NBAS: variants seen among roughly 807,000 people sequenced by gnomAD.
NBAS encodes the protein NAG/BC035112 fusion.
In NBAS, 219 loss-of-function variants were observed where a neutral mutation model predicts 302.5. That is an observed-to-expected ratio of 0.72 (90% CI 0.65 to 0.81). The LOEUF (loss-of-function observed/expected upper bound fraction) is 0.81, where lower values mean the gene tolerates loss of function less well. Ranked by LOEUF, NBAS falls within the 30% of genes least tolerant of loss-of-function variation. NBAS has a pLI of 0.00. For missense variants in NBAS, 2,932 were observed against 2,841.6 expected, an observed-to-expected ratio of 1.03 and a Z score of -0.72; for synonymous variants, 1,118 against 1,021.6, an observed-to-expected ratio of 1.09 and a Z score of -1.80.
At position 15,353,707 on chromosome 2, in the gene NBAS, T is replaced by C; in HGVS notation, c.3935A>G (p.Tyr1312Cys). The part of the protein sequence containing the change: ...MHCQELMATG[Y>C]PKSWDVCSQL... ...GCTACAAACATCCCAACTTTTAGGATAACCTGCAAAATTGGCAAGGAAAAA... is the reference window on the plus strand; with the variant it reads ...GCTACAAACATCCCAACTTTTAGGACAACCTGCAAAATTGGCAAGGAAAAA... The change falls in exon 34 of 52, where the codon TAT (tyrosine) becomes TGT (cysteine). Residue 1312 changes from tyrosine (Y) to cysteine (C), a missense_variant. By Grantham distance (194) the Tyr-to-Cys change is radical. Coordinates refer to ENST00000281513, the MANE Select transcript of NBAS (RefSeq NM_015909.4). The C allele has an allele frequency of 1.2e-6, 2 of 1,613,950 alleles. No individual in the cohort carries two copies. The highest frequency in any genetic ancestry group is 1.7e-6 in the Non-Finnish European group (2 of 1,179,918).
intron 9 of NBAS, among the ~76,000 whole-genome samples, chr2:15,517,436 G>T (rs1370270847): frequency 6.6e-6 from 1 of 152,102 alleles, no homozygotes; most frequent in Admixed American, 6.5e-5. Context: ...CCAAAATTAT[G>T]ACAGCTGCCT....
At chr2:15,334,394 T>C (rs1672485251) in intron 35 of NBAS, among the ~76,000 whole-genome samples, 1 of 152,088 alleles carries the variant, frequency 6.6e-6, no homozygotes, top group South Asian at 2.1e-4. Context: ...TTCACCGTGT[T>C]AGCCAGGATG....
the NBAS span, among the ~76,000 whole-genome samples, chr2:15,059,370 A>C: frequency 6.6e-5 from 10 of 151,040 alleles, no homozygotes; most frequent in Non-Finnish European, 1.3e-4. Flanking sequence ...CTTTTTTTTT[A>C]TTTTTTAGAT....
chr2:15,018,241 G>A, the NBAS span, among the ~76,000 whole-genome samples: 3 of 151,914 alleles, frequency 2.0e-5, no homozygotes, highest in African/African-American at 7.2e-5. Context: ...TGTAGGATGA[G>A]TATAGTTAAT....
chr2:15,159,144 G>C, the NBAS span, among the ~76,000 whole-genome samples: 1 of 152,156 alleles, frequency 6.6e-6, no homozygotes, highest in Non-Finnish European at 1.5e-5. Context: ...GGAGGAATCT[G>C]GGCATGCCGG....
chr2:14,813,900 G>A, the NBAS span, among the ~76,000 whole-genome samples: 1 of 152,148 alleles, frequency 6.6e-6, no homozygotes, highest in African/African-American at 2.4e-5. Flanking sequence ...AAAATTTGGG[G>A]GGGCCAGGCC....
the NBAS span, among the ~76,000 whole-genome samples, chr2:14,964,495 A>C: frequency 2.0e-5 from 3 of 152,106 alleles, no homozygotes; most frequent in Non-Finnish European, 4.4e-5. Context: ...AGGACATAAC[A>C]CTCCTAAAAG....
At chr2:15,243,086 A>T (rs1667934719) in intron 44 of NBAS, among the ~76,000 whole-genome samples, 1 of 152,158 alleles carries the variant, frequency 6.6e-6, no homozygotes, top group Non-Finnish European at 1.5e-5. Flanking sequence ...CTTCACTGCC[A>T]CCACTCAGTT....
At chr2:14,787,653 A>T in the NBAS span, among the ~76,000 whole-genome samples, 1 of 151,892 alleles carries the variant, frequency 6.6e-6, no homozygotes, top group Non-Finnish European at 1.5e-5. Flanking sequence ...ATTGGCCCCC[A>T]CTCTCTTCTG....
chr2:15,397,280 C>A (rs1167143605), intron 26 of NBAS, among the ~76,000 whole-genome samples: 4 of 152,228 alleles, frequency 2.6e-5, no homozygotes, highest in Non-Finnish European at 5.9e-5. Flanking sequence ...AGAAACACTG[C>A]TGCTGCCACT....
the NBAS span, among the ~76,000 whole-genome samples, chr2:15,023,129 G>A: frequency 6.6e-6 from 1 of 151,948 alleles, no homozygotes; most frequent in African/African-American, 2.4e-5. Context: ...CATATAGGAT[G>A]CATTTTGTCA....
rs752231399 is a variant in NBAS, at chr2:15,275,495, C to T, written c.5713G>A (p.Ala1905Thr). 2.8e-5 allele frequency: 45 copies of T among 1,613,956 alleles called. No individual in the cohort carries two copies. Among genetic ancestry groups the T allele is most frequent in the Non-Finnish European group, 3.7e-5 (44 of 1,180,008 alleles). ...VVDAVTFSPK[A>T]VTKLSVEARK... The stretch of plus-strand genomic sequence containing the variant: ...ATCTTTTTGTTTACCTTGGTCACAG[C>T]TTTTGGAGAAAATGTAACTGCATCT... Residue 1905 changes from alanine (A) to threonine (T), a missense_variant, in exon 44 of 52, where the codon GCT becomes ACT. Ala to Thr is a moderately conservative substitution (Grantham distance 58, BLOSUM62 0). Transcript: ENST00000281513.
chr2:14,892,648 C>T, the NBAS span, among the ~76,000 whole-genome samples: 7 of 151,428 alleles, frequency 4.6e-5, no homozygotes, highest in African/African-American at 1.5e-4. Context: ...TTTTCAGCAT[C>T]GATTGATTAA....
the NBAS span, among the ~76,000 whole-genome samples, chr2:14,810,128 G>A: frequency 3.9e-5 from 6 of 152,326 alleles, no homozygotes; most frequent in South Asian, 1.2e-3. Flanking sequence ...TGTGTTAGAT[G>A]AGACTTTGGA....
chr2:14,923,311 T>G, the NBAS span, among the ~76,000 whole-genome samples: 1 of 152,182 alleles, frequency 6.6e-6, no homozygotes, highest in East Asian at 1.9e-4. Context: ...TAGAGGCTCA[T>G]AGTCTCTGGG....
chr2:14,834,050 G>A, the NBAS span, among the ~76,000 whole-genome samples: 3 of 152,168 alleles, frequency 2.0e-5, no homozygotes, highest in East Asian at 1.9e-4. Flanking sequence ...ATAAGTTAGC[G>A]ATCATGACTT....
chr2:14,789,176 C>G, the NBAS span, among the ~76,000 whole-genome samples: 1 of 152,182 alleles, frequency 6.6e-6, no homozygotes, highest in Admixed American at 6.5e-5. Context: ...GTTTTTTAAG[C>G]CTGTAGGAAA....
intron 40 of NBAS, among the ~76,000 whole-genome samples, chr2:15,299,729 AC>A: frequency 6.6e-6 from 1 of 152,380 alleles, no homozygotes; most frequent in East Asian, 1.9e-4. Context: ...AAATACATTT[AC>A]AACAATTACA....
intron 13 of NBAS, among the ~76,000 whole-genome samples, chr2:15,476,895 G>C (rs945387582): frequency 6.6e-6 from 1 of 152,132 alleles, no homozygotes; most frequent in African/African-American, 2.4e-5. Flanking sequence ...TTAAACATTA[G>C]ACTAAGAAGA....
Sources: allele counts gnomAD v4.1 joint callset (sites outside exome capture counted in the v4.1 genomes callset), GRCh38; gene constraint gnomAD v4.1.1; transcripts MANE v1.5; gene names NCBI Gene and HGNC (gene_info 2026-07-23, HGNC 2026-07-21).